TPM4: variants seen among roughly 807,000 people sequenced by gnomAD.
TPM4 encodes the protein tropomyosin alpha-4 chain.
In TPM4, 17 loss-of-function variants were observed where a neutral mutation model predicts 35.8. That is an observed-to-expected ratio of 0.47 (90% CI 0.32 to 0.71). The LOEUF is 0.71. TPM4 is among the 30% of genes least tolerant of loss of function. TPM4 has a pLI of 0.03. For missense variants in TPM4, 240 were observed against 320.9 expected (o/e 0.75, Z 1.93); for synonymous variants, 120 against 122.9 (o/e 0.98, Z 0.15).
chr19:16,088,561 C>A (rs1445823225), intron 4 of TPM4: 1 of 1,039,834 alleles, frequency 9.6e-7, no homozygotes. Flanking sequence ...AAAAACAAAA[C>A]ACCTGTCCTC....
intron 7 of TPM4, among the ~76,000 whole-genome samples, chr19:16,095,076 A>G (rs565418579): frequency 6.6e-6 from 1 of 152,260 alleles, no homozygotes; most frequent in East Asian, 1.9e-4. Context: ...CCACTTAGAG[A>G]TCAACTCCAT....
intron 1 of TPM4, among the ~76,000 whole-genome samples, chr19:16,077,595 A>G (rs1047602017): frequency 5.9e-5 from 9 of 152,156 alleles, no homozygotes; most frequent in African/African-American, 2.2e-4. Context: ...GTCCCATATC[A>G]TGCCACCCAC....
intron 2 of TPM4, among the ~76,000 whole-genome samples, chr19:16,084,128 C>T (rs896967241): frequency 1.3e-5 from 2 of 152,168 alleles, no homozygotes; most frequent in African/African-American, 2.4e-5. Flanking sequence ...AGGGTTTCAC[C>T]GTGTTAGCCA....
upstream of TPM4, among the ~76,000 whole-genome samples, chr19:16,072,112 G>A (rs866630189): frequency 1.6e-4 from 24 of 152,324 alleles, no homozygotes; most frequent in Non-Finnish European, 1.5e-5. Context: ...GAGCCACTGC[G>A]CCCAGCTCTC....
At chr19:16,071,889 C>T (rs2090359701), upstream of TPM4, among the ~76,000 whole-genome samples, 1 of 152,216 alleles carries the variant, frequency 6.6e-6, no homozygotes, top group African/African-American at 2.4e-5. Flanking sequence ...AGCCCTGCCC[C>T]AAGGCCCCAT....
At position 16,067,779 on chromosome 19, in the gene TPM4, TC is replaced by T; in HGVS notation, c.114+43del. On this transcript the variant is annotated intron_variant, in intron 2 of 2. Coordinates refer to the TPM4 transcript ENST00000589897. This position sits in a 1 kb window ranked among gnomAD's most constrained non-coding sequence, Gnocchi z 4.1. ...CTGGGCCGCTCCGGGCTGCTGGGAG[TC>T]CTCTCTGTGCGGAAGGCCGGGGTCT... 3.2e-6 allele frequency: 5 copies of T among 1,583,790 alleles called. No homozygotes were observed. Among genetic ancestry groups the T allele is most frequent in the Non-Finnish European group, 4.3e-6 (5 of 1,165,400 alleles).
At chr19:16,092,773 C>G (rs995755724) in intron 5 of TPM4, among the ~76,000 whole-genome samples, 2 of 152,060 alleles carry the variant, frequency 1.3e-5, no homozygotes, top group Admixed American at 6.6e-5. Context: ...TGACCTCAAG[C>G]GATCCACCCG....
chr19:16,102,180 C>T lies in TPM4; in HGVS notation c.*834C>T, dbSNP rs1233317199. ...CAGCCAACATGGCGAAACCATGTCTCTACTAAAAATACAAAAATTATGGTG... is the reference window on the plus strand; with the variant it reads ...CAGCCAACATGGCGAAACCATGTCTTTACTAAAAATACAAAAATTATGGTG... On this transcript the variant is annotated 3_prime_UTR_variant, in exon 8 of 8. Coordinates refer to ENST00000643579, the MANE Select transcript of TPM4 (RefSeq NM_003290.3). 1 of 187,046 alleles carries T rather than the reference C, an allele frequency of 5.3e-6. No homozygotes were observed. Among genetic ancestry groups the T allele is most frequent in the East Asian group, 8.6e-5 (1 of 11,630 alleles). 11.6% of individuals were successfully genotyped at this position (187,046 alleles called of 1,614,324 possible).
intron 1 of TPM4, among the ~76,000 whole-genome samples, chr19:16,080,673 G>A (rs766258093): frequency 6.6e-5 from 10 of 152,136 alleles, no homozygotes; most frequent in Admixed American, 2.0e-4. Flanking sequence ...ATAGCAAGGC[G>A]TGGTGGTGTC....
chr19:16,067,819 G>A lies in TPM4; in HGVS notation c.114+81G>A. The stretch of plus-strand genomic sequence containing the variant: ...AGGCCGGGGTCTGGAGCCCAGTTGG[G>A]GGTCGCAGACACCTGCGGGAGGATA... On this transcript the variant is annotated intron_variant, in intron 2 of 2. Coordinates refer to the TPM4 transcript ENST00000589897. This position sits in a 1 kb window ranked among gnomAD's most constrained non-coding sequence, Gnocchi z 4.1. The A allele has an allele frequency of 7.3e-7, 1 of 1,370,934 alleles. No individual in the cohort carries two copies. The highest frequency in any genetic ancestry group is 1.0e-6 in the Non-Finnish European group (1 of 1,002,062). The allele number at this position is 1,370,934 out of a possible 1,614,324, so 84.9% of individuals were successfully genotyped here.
intron 1 of TPM4, chr19:16,076,944 G>C: frequency 1.3e-6 from 1 of 764,630 alleles, no homozygotes; most frequent in Non-Finnish European, 1.7e-6. Flanking sequence ...GGCCGGCCAA[G>C]CGGGAAATGG....
At chr19:16,095,706 T>C in intron 7 of TPM4, 1 of 527,840 alleles carries the variant, frequency 1.9e-6, no homozygotes, top group Non-Finnish European at 2.5e-6. Context: ...GCATGTGCTC[T>C]CAGATACCGC....
chr19:16,088,582 G>A (rs750633955), intron 4 of TPM4: 6 of 1,035,952 alleles, frequency 5.8e-6, no homozygotes, highest in Non-Finnish European at 7.0e-6. Flanking sequence ...TTGGCCCCGG[G>A]TGAGGAATTC....
chr19:16,096,346 A>G (rs1315501439), intron 7 of TPM4, among the ~76,000 whole-genome samples: 1 of 152,204 alleles, frequency 6.6e-6, no homozygotes, highest in Non-Finnish European at 1.5e-5. Context: ...AATTACAGGC[A>G]TGAGCCACCG....
At chr19:16,068,603 C>A (rs2090321652) in intron 2 of TPM4, among the ~76,000 whole-genome samples, 1 of 152,018 alleles carries the variant, frequency 6.6e-6, no homozygotes, top group South Asian at 2.1e-4. Context: ...GAGCGTGTGT[C>A]TGTGTGTATC....
In TPM4 at chr19:16,088,086, G is replaced by A. The variant is rs1211058441; in HGVS notation, c.444G>A (p.Glu148=). 1.2e-6 allele frequency: 2 copies of A among 1,611,844 alleles called. No homozygotes were observed. Among genetic ancestry groups the A allele is most frequent in the Non-Finnish European group, 8.5e-7 (1 of 1,179,328 alleles). The part of the protein sequence containing the change: ...GELERAEERA[E]VSELKCGDLE... Reference sequence around the variant, plus strand: ...TGGAGAGGGCAGAGGAGCGTGCGGAGGTGTCTGAACTGTGAGTGGCAGAAC... The same window carrying A: ...TGGAGAGGGCAGAGGAGCGTGCGGAAGTGTCTGAACTGTGAGTGGCAGAAC... The change falls in exon 4 of 8, where the codon GAG becomes GAA. Residue 148 remains glutamate, a synonymous_variant. Transcript: ENST00000643579.
intron 5 of TPM4, among the ~76,000 whole-genome samples, chr19:16,090,870 T>A (rs2144949608): frequency 6.6e-6 from 1 of 150,782 alleles, no homozygotes; most frequent in East Asian, 2.0e-4. Context: ...TTTCACCATG[T>A]TGCCCAGGCT....
intron 4 of TPM4, chr19:16,088,367 A>G: frequency 7.7e-7 from 1 of 1,292,648 alleles, no homozygotes. Flanking sequence ...GAAGCCCAGA[A>G]GTCCCATTTT....
rs1318771101 is a variant in TPM4, at chr19:16,085,097, T to C, written c.267-1326T>C. On this transcript the variant is annotated intron_variant, in intron 2 of 7. Transcript: ENST00000643579. ...GAGACCCCATCTCTACAAAAAAATA[T>C]TAAAAATTAGCCAGGCATGGTAGTG... Among the ~76,000 whole-genome samples, 5 of 151,238 alleles carry C rather than the reference T, an allele frequency of 3.3e-5. No homozygotes were observed. In the South Asian group the frequency reaches 6.4e-4, roughly 19 times the overall value.
Sources: gnomAD v4.1 joint callset for allele counts (sites outside exome capture counted in the v4.1 genomes callset) on GRCh38, gnomAD v4.1.1 for gene constraint, Gnocchi (gnomAD v3.1) non-coding constraint, MANE v1.5 for transcripts, NCBI Gene and HGNC (gene_info 2026-07-23, HGNC 2026-07-21) for gene names.